The following ZNG1B variants were observed in gnomAD, a reference collection of about 807,000 sequenced individuals.
The protein encoded by ZNG1B is zinc-regulated GTPase metalloprotein activator 1B.
the ZNG1B span, among the ~76,000 whole-genome samples, chr2:113,456,256 C>T: frequency 6.6e-6 from 1 of 152,092 alleles, no homozygotes; most frequent in Non-Finnish European, 1.5e-5. Context: ...ATCCCAAATA[C>T]AGTATTACAG....
the ZNG1B span, among the ~76,000 whole-genome samples, chr2:113,453,803 A>G: frequency 6.9e-6 from 1 of 145,542 alleles, no homozygotes. Flanking sequence ...TGTTTGATTT[A>G]TGCCCTTAAT....
At chr2:113,449,152 AG>A in the ZNG1B span, among the ~76,000 whole-genome samples, 3 of 151,620 alleles carry the variant, frequency 2.0e-5, no homozygotes, top group African/African-American at 7.3e-5. Flanking sequence ...GAAGAGAGTT[AG>A]GGTTGCTCTG....
At chr2:113,450,738 A>G in the ZNG1B span, among the ~76,000 whole-genome samples, 3 of 147,638 alleles carry the variant, frequency 2.0e-5, no homozygotes, top group South Asian at 2.2e-4. Context: ...ATATGCATAC[A>G]TGTTTCTTCT....
the ZNG1B span, among the ~76,000 whole-genome samples, chr2:113,475,532 A>G: frequency 6.6e-6 from 1 of 151,158 alleles, no homozygotes; most frequent in Non-Finnish European, 1.5e-5. Context: ...TCCTGTCATT[A>G]TGATGTTAGC....
the ZNG1B span, among the ~76,000 whole-genome samples, chr2:113,483,873 T>C: frequency 2.0e-5 from 3 of 152,398 alleles, no homozygotes; most frequent in Non-Finnish European, 2.9e-5. Context: ...TACTACTAAA[T>C]AGGGCATATC....
the ZNG1B span, chr2:113,455,683 G>C: frequency 6.4e-6 from 8 of 1,247,820 alleles, no homozygotes; most frequent in South Asian, 1.3e-5. Context: ...TTAAAAATTA[G>C]TGTCTGTTTT....
the ZNG1B span, chr2:113,441,476 G>T: frequency 4.3e-6 from 7 of 1,609,720 alleles, no homozygotes; most frequent in South Asian, 7.7e-5. Context: ...GCAAGATTTT[G>T]TGTGACTGTT....
chr2:113,455,291 T>C, the ZNG1B span, among the ~76,000 whole-genome samples: 1 of 152,022 alleles, frequency 6.6e-6, no homozygotes, highest in East Asian at 1.9e-4. Context: ...CCCTGGAACT[T>C]AAAATTTAAA....
the ZNG1B span, chr2:113,453,015 A>G: frequency 1.4e-6 from 2 of 1,455,122 alleles, no homozygotes; most frequent in Non-Finnish European, 1.9e-6. Flanking sequence ...CTATCACTAT[A>G]ATTTCCATAA....
chr2:113,454,361 G>A, the ZNG1B span, among the ~76,000 whole-genome samples: 1 of 151,828 alleles, frequency 6.6e-6, no homozygotes, highest in Non-Finnish European at 1.5e-5. Context: ...TTGATTATGT[G>A]AAAATAAACT....
chr2:113,455,620 A>G, the ZNG1B span: 2 of 1,286,982 alleles, frequency 1.6e-6, no homozygotes, highest in African/African-American at 3.0e-5. Flanking sequence ...TCCCAATCTG[A>G]GCATATGGAT....
the ZNG1B span, among the ~76,000 whole-genome samples, chr2:113,456,834 C>T: frequency 6.6e-6 from 1 of 152,112 alleles, no homozygotes; most frequent in African/African-American, 2.4e-5. Context: ...ACCTCAGTAG[C>T]TGCTTGTGAT....
chr2:113,438,027 C>CT, the ZNG1B span: 2 of 1,611,906 alleles, frequency 1.2e-6, no homozygotes, highest in South Asian at 2.2e-5. Flanking sequence ...ATTTAGGTAA[C>CT]TAACCATCCC....
chr2:113,471,539 A>T, the ZNG1B span, among the ~76,000 whole-genome samples: 1 of 151,568 alleles, frequency 6.6e-6, no homozygotes, highest in Non-Finnish European at 1.5e-5. Context: ...TGTGCAGGTT[A>T]GTTACATATG....
At chr2:113,456,028 AATGTTT>A in the ZNG1B span, among the ~76,000 whole-genome samples, 3 of 151,724 alleles carry the variant, frequency 2.0e-5, no homozygotes, top group Non-Finnish European at 4.4e-5. Flanking sequence ...TGAACTTGTT[AATGTTT>A]AAGTTTGCTT....
chr2:113,455,898 A>G, the ZNG1B span, among the ~76,000 whole-genome samples: 5 of 142,814 alleles, frequency 3.5e-5, no homozygotes, highest in Non-Finnish European at 7.6e-5. Flanking sequence ...TTGTATTTTT[A>G]GTAGAGACAG....
At chr2:113,490,387 G>A in the ZNG1B span, among the ~76,000 whole-genome samples, 3 of 148,402 alleles carry the variant, frequency 2.0e-5, no homozygotes, top group Non-Finnish European at 3.0e-5. Context: ...GGCCCTCAAT[G>A]CCTCCATCAA....
the ZNG1B span, among the ~76,000 whole-genome samples, chr2:113,458,818 T>TA: frequency 7.4e-6 from 1 of 135,436 alleles, no homozygotes; most frequent in Non-Finnish European, 1.6e-5. Context: ...TTCAGTACTA[T>TA]AGGATCATTC....
chr2:113,471,303 G>C, the ZNG1B span, among the ~76,000 whole-genome samples: 1 of 152,126 alleles, frequency 6.6e-6, no homozygotes, highest in African/African-American at 2.4e-5. Flanking sequence ...TAGTGTAAAT[G>C]ATAGTTAACT....
Sources: gnomAD v4.1 joint callset for allele counts (sites outside exome capture counted in the v4.1 genomes callset) on GRCh38, gnomAD v4.1.1 for gene constraint, MANE v1.5 for transcripts, NCBI Gene and HGNC (gene_info 2026-07-23, HGNC 2026-07-21) for gene names.